Variants in RGS5 observed in about 807,000 individuals in gnomAD.
RGS5 encodes the protein regulator of G protein signaling 5.
In RGS5, 20 loss-of-function variants were observed where a neutral mutation model predicts 18.9. The observed-to-expected ratio is 1.06, with a 90% CI of 0.74 to 1.54. The LOEUF (loss-of-function observed/expected upper bound fraction) is 1.54, where lower values mean the gene tolerates loss of function less well. RGS5 is among the 40% of genes most tolerant of loss of function. The pLI is 0.00. For synonymous variants in RGS5, 57 were observed against 76.2 expected (o/e 0.75, Z 1.31); for missense variants, 201 against 211.8 (o/e 0.95, Z 0.32).
intron 2 of RGS5, among the ~76,000 whole-genome samples, chr1:163,284,871 T>C (rs1369546968): frequency 1.3e-5 from 2 of 152,052 alleles, no homozygotes; most frequent in Non-Finnish European, 2.9e-5. Context: ...ATGGTAAATG[T>C]ATTAGTCCGT....
At chr1:163,290,858 G>A (rs1649265341) in intron 2 of RGS5, among the ~76,000 whole-genome samples, 1 of 152,014 alleles carries the variant, frequency 6.6e-6, no homozygotes. Context: ...CCTAAACTTG[G>A]TGGTTATAAT....
At chr1:163,150,645 A>G (rs987163271) in intron 4 of RGS5, among the ~76,000 whole-genome samples, 4 of 152,176 alleles carry the variant, frequency 2.6e-5, no homozygotes, top group Non-Finnish European at 5.9e-5. Flanking sequence ...AGAGAATTTC[A>G]AGATTAATAT....
chr1:163,190,561 T>A (rs1020265266), intron 1 of RGS5, among the ~76,000 whole-genome samples: 1 of 152,264 alleles, frequency 6.6e-6, no homozygotes, highest in East Asian at 1.9e-4. Context: ...TGGAACTGCG[T>A]GAGGAGCTGC....
intron 2 of RGS5, among the ~76,000 whole-genome samples, chr1:163,267,523 T>C (rs1248582733): frequency 6.6e-6 from 1 of 152,152 alleles, no homozygotes; most frequent in Non-Finnish European, 1.5e-5. Flanking sequence ...CTCATGTCTA[T>C]ATGTCATCCA....
At chr1:163,304,883 G>A (rs563390712) in intron 2 of RGS5, 1 of 152,292 alleles carries the variant, frequency 6.6e-6, no homozygotes, top group African/African-American at 2.4e-5. Flanking sequence ...TAGCATTTCA[G>A]TAATAGCATT....
intron 2 of RGS5, among the ~76,000 whole-genome samples, chr1:163,282,042 C>T (rs917427314): frequency 4.2e-4 from 58 of 137,686 alleles, no homozygotes; most frequent in East Asian, 1.2e-3. Flanking sequence ...GAAGTGCACG[C>T]GCGCGCACAC....
chr1:163,252,911 T>C (rs887587305), intron 2 of RGS5, among the ~76,000 whole-genome samples: 24 of 152,184 alleles, frequency 1.6e-4, no homozygotes, highest in African/African-American at 5.3e-4. Context: ...AATTTCATCA[T>C]CTGTAAAAAT....
intron 2 of RGS5, among the ~76,000 whole-genome samples, chr1:163,279,947 T>C (rs895266306): frequency 2.6e-5 from 4 of 151,970 alleles, no homozygotes; most frequent in African/African-American, 7.2e-5. Flanking sequence ...CCTACCAAGA[T>C]TGAACCAGGT....
chr1:163,269,372 G>T (rs932277206), intron 2 of RGS5, among the ~76,000 whole-genome samples: 9 of 152,032 alleles, frequency 5.9e-5, no homozygotes, highest in Non-Finnish European at 8.8e-5. Flanking sequence ...ACTTTCTATG[G>T]GGGCTTTCAG....
At chr1:163,179,198 T>G (rs1029448732) in intron 1 of RGS5, among the ~76,000 whole-genome samples, 2 of 152,170 alleles carry the variant, frequency 1.3e-5, no homozygotes, top group South Asian at 2.1e-4. Context: ...CAGAATGACA[T>G]AGTGGTAAAG....
At chr1:163,269,072 C>T (rs12740359) in intron 2 of RGS5, among the ~76,000 whole-genome samples, 43,520 of 152,044 alleles carry the variant, frequency 0.29, 6,398 homozygotes, top group Non-Finnish European at 0.32. Context: ...CCAGGGATTG[C>T]ATCTCTGGAG....
chr1:163,290,286 C>CT (rs1472951425), intron 2 of RGS5, among the ~76,000 whole-genome samples: 1 of 152,178 alleles, frequency 6.6e-6, no homozygotes, highest in Non-Finnish European at 1.5e-5. Flanking sequence ...AACCTCTGCT[C>CT]TTAAAGTCAC....
rs1383521517 is a variant in RGS5, at chr1:163,144,897, T to A, written c.*2445A>T. On this transcript the variant is annotated 3_prime_UTR_variant, in exon 5 of 5. Coordinates refer to ENST00000313961, the MANE Select transcript of RGS5 (RefSeq NM_003617.4). Reference sequence around the variant, plus strand: ...GCTGGAATATTTGTATTCTTTTTAATTTTTTTACTTCATTTATTAGAAGAG... The same window carrying A: ...GCTGGAATATTTGTATTCTTTTTAAATTTTTTACTTCATTTATTAGAAGAG... 6 of 152,372 alleles carry A rather than the reference T, an allele frequency of 3.9e-5. No homozygotes were observed. The highest frequency in any genetic ancestry group is 3.9e-4 in the Admixed American group (6 of 15,256). 9.4% of individuals were successfully genotyped at this position (152,372 alleles called of 1,614,324 possible). A position where few individuals can be genotyped will look rare whatever the true frequency, so the allele number is the denominator to read the frequency against.
intron 2 of RGS5, among the ~76,000 whole-genome samples, chr1:163,293,581 C>T (rs1649349056): frequency 6.6e-6 from 1 of 152,138 alleles, no homozygotes. Flanking sequence ...CCATATCATT[C>T]TGCCCCTGGC....
At position 163,142,410 on chromosome 1, in the gene RGS5, A is replaced by G. The variant is rs1447531289; in HGVS notation, c.*4932T>C. On this transcript the variant is annotated 3_prime_UTR_variant, in exon 5 of 5. Transcript: ENST00000313961. ...AGTCACATAGTACATAAAGTATTGAATACAAAATTCTAAAGATAAACACAA... is the reference window on the plus strand; with the variant it reads ...AGTCACATAGTACATAAAGTATTGAGTACAAAATTCTAAAGATAAACACAA... The G allele has an allele frequency of 1.3e-5, 2 of 152,174 alleles. No individual in the cohort carries two copies. Among genetic ancestry groups the G allele is most frequent in the African/African-American group, 2.4e-5 (1 of 41,438 alleles). 9.4% of individuals were successfully genotyped at this position (152,174 alleles called of 1,614,324 possible). A position where few individuals can be genotyped will look rare whatever the true frequency, so the allele number is the denominator to read the frequency against.
chr1:163,198,720 C>T (rs892561759), intron 1 of RGS5, among the ~76,000 whole-genome samples: 3 of 152,150 alleles, frequency 2.0e-5, no homozygotes, highest in African/African-American at 4.8e-5. Context: ...TAGCCTCAGA[C>T]TCCTGGGCTC....
chr1:163,174,071 A>G (rs747113529), intron 1 of RGS5, among the ~76,000 whole-genome samples: 1 of 152,148 alleles, frequency 6.6e-6, no homozygotes, highest in Non-Finnish European at 1.5e-5. Flanking sequence ...GCAAGACTCC[A>G]TCTCTAAATA....
At chr1:163,243,131 G>A (rs1369799576) in intron 2 of RGS5, among the ~76,000 whole-genome samples, 3 of 152,148 alleles carry the variant, frequency 2.0e-5, no homozygotes, top group African/African-American at 4.8e-5. Context: ...ATGAGTTCAT[G>A]TCCTTTGCAG....
chr1:163,243,629 G>A (rs142864624), intron 2 of RGS5, among the ~76,000 whole-genome samples: 6,435 of 108,868 alleles, frequency 0.059, 189 homozygotes, highest in South Asian at 0.11. Flanking sequence ...GGGCGACAGA[G>A]CAAGACTCCG....
Sources: allele counts gnomAD v4.1 joint callset (sites outside exome capture counted in the v4.1 genomes callset), GRCh38; gene constraint gnomAD v4.1.1; transcripts MANE v1.5; gene names NCBI Gene and HGNC (gene_info 2026-07-23, HGNC 2026-07-21).